The following PILRB variants were observed in gnomAD, a reference collection of about 807,000 sequenced individuals.
The protein encoded by PILRB is paired immunoglobin like type 2 receptor beta.
In PILRB, 21 loss-of-function variants were observed where a neutral mutation model predicts 20.5. The observed-to-expected ratio is 1.02, with a 90% CI of 0.72 to 1.47. PILRB has a LOEUF of 1.47. Ranked by LOEUF, PILRB falls within the 40% of genes most tolerant of loss-of-function variation. The pLI is 0.00. For synonymous variants in PILRB, 133 were observed against 115.1 expected, an observed-to-expected ratio of 1.16 and a Z score of -0.99; for missense variants, 253 against 272.1, an observed-to-expected ratio of 0.93 and a Z score of 0.49.
In PILRB at chr7:100,359,497, A is replaced by G; in HGVS notation, c.615A>G (p.Gly205=). ...AVAVLKTVIL[G]LLCLLLLWWR... is the part of the protein sequence containing the mutation. ...CTGTGCTCAAAACTGTCATTTTGGG[A>G]CTGCTGTGCCTCCTCCTCCTGTGGT... is the stretch of plus-strand genomic sequence containing the variant. The change falls in exon 3 of 4, where the codon GGA becomes GGG. Residue 205 remains glycine, a synonymous_variant. Transcript: ENST00000609309. 6.2e-7 allele frequency: 1 copy of G among 1,611,060 alleles called. No homozygotes were observed. Among genetic ancestry groups the G allele is most frequent in the Non-Finnish European group, 8.5e-7 (1 of 1,178,488 alleles).
intron 3 of PILRB, 104 bp downstream of exon 3, chr7:100,359,641 C>T (rs1790472510): frequency 1.0e-6 from 1 of 984,382 alleles, no homozygotes; most frequent in Non-Finnish European, 1.5e-6. Context: ...CCTGCTGGCT[C>T]CCCTCAAGCC....
intron 3 of PILRB, among the ~76,000 whole-genome samples, chr7:100,363,976 C>T (rs561001980): frequency 1.3e-5 from 2 of 151,950 alleles, no homozygotes; most frequent in East Asian, 1.9e-4. Context: ...GGCGTGGTGG[C>T]GCATGTCTGT....
intron 3 of PILRB, among the ~76,000 whole-genome samples, chr7:100,365,086 G>T (rs999322896): frequency 6.6e-6 from 1 of 152,112 alleles, no homozygotes; most frequent in Admixed American, 6.6e-5. Flanking sequence ...TGCAACCTCC[G>T]CCTCCTGGGT....
At chr7:100,366,944 C>T (rs894502141) in intron 3 of PILRB, among the ~76,000 whole-genome samples, 1 of 152,116 alleles carries the variant, frequency 6.6e-6, no homozygotes, top group Non-Finnish European at 1.5e-5. Flanking sequence ...CCAGCTGAGT[C>T]CCAGGCCCTT....
chr7:100,366,470 CTG>C (rs1790689257), intron 3 of PILRB, among the ~76,000 whole-genome samples: 1 of 151,932 alleles, frequency 6.6e-6, no homozygotes, highest in South Asian at 2.1e-4. Context: ...GAGGGGATGT[CTG>C]TGGACCAGGA....
intron 3 of PILRB, among the ~76,000 whole-genome samples, chr7:100,361,431 C>T (rs534356045): frequency 1.3e-5 from 2 of 152,278 alleles, no homozygotes; most frequent in African/African-American, 2.4e-5. Context: ...GTGGCTAATG[C>T]CTATAATCCC....
Position 100,358,831 on chromosome 7 carries a change from T to C in PILRB, c.206T>C (p.Ile69Thr). Reference protein sequence around the residue: ...WELAIVPNVRISWRRGHFHGQ... With the variant: ...WELAIVPNVRTSWRRGHFHGQ... ...TTAGCCATAGTTCCCAACGTGAGAA[T>C]ATCCTGGAGACGGGGCCACTTCCAC... is the stretch of plus-strand genomic sequence containing the variant. Residue 69 changes from isoleucine to threonine, a missense_variant, in exon 2 of 4, where the codon ATA (isoleucine) becomes ACA (threonine). Coordinates refer to ENST00000609309, the MANE Select transcript of PILRB (RefSeq NM_178238.4). The C allele has an allele frequency of 6.2e-7, 1 of 1,613,866 alleles. No individual in the cohort carries two copies. The highest frequency in any genetic ancestry group is 1.1e-5 in the South Asian group (1 of 91,074).
intron 3 of PILRB, among the ~76,000 whole-genome samples, chr7:100,364,980 T>C (rs939250453): frequency 1.3e-5 from 2 of 151,908 alleles, no homozygotes; most frequent in East Asian, 3.9e-4. Flanking sequence ...CTGAAAAAAA[T>C]AATATTATTG....
At position 100,359,200 on chromosome 7, in the gene PILRB, A is replaced by AC. The variant is rs1442649253; in HGVS notation, c.454+125dup. ...AGAGCTGTTAGCATTTCACCTTGCT[A>AC]CCCCTTCCATGTCTGGGCTTCTGAG... On this transcript the variant is annotated intron_variant, in intron 2 of 3. Coordinates refer to ENST00000609309, the MANE Select transcript of PILRB (RefSeq NM_178238.4). The AC allele has an allele frequency of 6.0e-6, 9 of 1,507,292 alleles. No homozygotes were observed. In the East Asian group the frequency reaches 1.9e-4, roughly 31 times the overall value. 93.4% of individuals were successfully genotyped at this position (1,507,292 alleles called of 1,614,324 possible).
intron 3 of PILRB, among the ~76,000 whole-genome samples, chr7:100,366,564 G>A (rs1023966148): frequency 1.3e-5 from 2 of 152,128 alleles, no homozygotes; most frequent in Non-Finnish European, 2.9e-5. Flanking sequence ...AGAGGATTCA[G>A]GGTGAGACCA....
At chr7:100,363,487 T>C (rs1257963324) in intron 3 of PILRB, among the ~76,000 whole-genome samples, 1 of 152,206 alleles carries the variant, frequency 6.6e-6, no homozygotes, top group Non-Finnish European at 1.5e-5. Context: ...GGTGAAAGAC[T>C]TGTACACTGA....
chr7:100,362,632 T>A (rs1218826462), intron 3 of PILRB, among the ~76,000 whole-genome samples: 1 of 152,006 alleles, frequency 6.6e-6, no homozygotes. Flanking sequence ...CCTCATCCTT[T>A]CGAGGAGCTA....
chr7:100,360,290 G>GGGGGTGTGGAGTTGTCA (rs1422788396), intron 3 of PILRB, among the ~76,000 whole-genome samples: 1 of 152,232 alleles, frequency 6.6e-6, no homozygotes, highest in African/African-American at 2.4e-5. Context: ...TCAGGGAACT[G>GGGGGTGTGGAGTTGTCA]GGGGTGTGGA....
chr7:100,363,634 T>G (rs536209993), intron 3 of PILRB, among the ~76,000 whole-genome samples: 16 of 152,308 alleles, frequency 1.1e-4, no homozygotes, highest in African/African-American at 3.8e-4. Context: ...GCAAATCCTA[T>G]GAAAACCCCA....
At chr7:100,360,668 A>T (rs530091113) in intron 3 of PILRB, among the ~76,000 whole-genome samples, 136 of 152,194 alleles carry the variant, frequency 8.9e-4, no homozygotes, top group Non-Finnish European at 1.6e-3. Flanking sequence ...TCTATGGAGG[A>T]ATGGCCAGAG....
Position 100,358,379 on chromosome 7 carries a change from G to A in PILRB, c.64+13G>A. On this transcript the variant is annotated intron_variant, in intron 1 of 3. Transcript: ENST00000609309. ...TTTCTGCAGCCTGGTGAGTACCCAG[G>A]ACCGCCCAGGTATGGTCTCTGCCCA... is the stretch of plus-strand genomic sequence containing the variant. 1 of 1,611,434 alleles carries A rather than the reference G, an allele frequency of 6.2e-7. No homozygotes were observed. Among genetic ancestry groups the A allele is most frequent in the East Asian group, 2.2e-5 (1 of 44,886 alleles).
rs61735533 is a variant in PILRB at position 100,358,243 on chromosome 7, G to A, written c.-60G>A. On this transcript the variant is annotated 5_prime_UTR_variant, in exon 1 of 4. Coordinates refer to ENST00000609309, the MANE Select transcript of PILRB (RefSeq NM_178238.4). ...AGCCCTCAGGCAGCCCCTCCACAGGGCCCCTCTCCTGCCTGGACAGCTCTG... is the reference window on the plus strand; with the variant it reads ...AGCCCTCAGGCAGCCCCTCCACAGGACCCCTCTCCTGCCTGGACAGCTCTG... The A allele has an allele frequency of 0.17, 278,658 of 1,599,428 alleles. 25,532 individuals are homozygous for A. The highest frequency in any genetic ancestry group is 0.2 in the Middle Eastern group (943 of 4,684).
intron 3 of PILRB, among the ~76,000 whole-genome samples, chr7:100,364,381 A>C (rs898522587): frequency 6.6e-6 from 1 of 152,168 alleles, no homozygotes; most frequent in Non-Finnish European, 1.5e-5. Flanking sequence ...TACAGGAGAA[A>C]ACATAGGGTG....
intron 3 of PILRB, among the ~76,000 whole-genome samples, chr7:100,363,379 A>G (rs1790586964): frequency 6.6e-6 from 1 of 152,218 alleles, no homozygotes; most frequent in Admixed American, 6.6e-5. Context: ...TCTGTGCACT[A>G]AACATAAACA....
Sources: gnomAD v4.1 joint callset for allele counts (sites outside exome capture counted in the v4.1 genomes callset) on GRCh38, gnomAD v4.1.1 for gene constraint, MANE v1.5 for transcripts, NCBI Gene and HGNC (gene_info 2026-07-23, HGNC 2026-07-21) for gene names.